Variants in ATP8A2 observed in about 807,000 individuals in gnomAD.
ATP8A2 encodes phospholipid-transporting ATPase IB.
In ATP8A2, 100 loss-of-function variants were observed where a neutral mutation model predicts 165.6. That is an observed-to-expected ratio of 0.60 (90% CI 0.51 to 0.71). The LOEUF (loss-of-function observed/expected upper bound fraction) is 0.71, where lower values mean the gene tolerates loss of function less well. Ranked by LOEUF, ATP8A2 falls within the 30% of genes least tolerant of loss-of-function variation. The pLI is 0.00. For missense variants in ATP8A2, 1,227 were observed against 1,479.5 expected (o/e 0.83, Z 2.80); for synonymous variants, 543 against 548.8 (o/e 0.99, Z 0.15).
intron 1 of ATP8A2, among the ~76,000 whole-genome samples, chr13:25,450,452 G>A (rs1251261746): frequency 1.3e-5 from 2 of 152,162 alleles, no homozygotes; most frequent in African/African-American, 4.8e-5. Context: ...AAGTGTATAA[G>A]TGTTCCTTTT....
chr13:25,906,306 C>A (rs995153968), intron 33 of ATP8A2, among the ~76,000 whole-genome samples: 3 of 141,400 alleles, frequency 2.1e-5, no homozygotes, highest in Non-Finnish European at 3.0e-5. Flanking sequence ...TACTTCCTGT[C>A]TTCAATCTCT....
chr13:25,740,141 CTA>C (rs1197332682), intron 25 of ATP8A2, among the ~76,000 whole-genome samples: 5 of 152,026 alleles, frequency 3.3e-5, no homozygotes, highest in African/African-American at 1.2e-4. Flanking sequence ...AACCCCATCT[CTA>C]TTCCAAATAC....
chr13:25,774,365 C>A (rs1593325891), intron 26 of ATP8A2, among the ~76,000 whole-genome samples: 1 of 152,046 alleles, frequency 6.6e-6, no homozygotes, highest in East Asian at 1.9e-4. Flanking sequence ...ACAATGAGAA[C>A]ACATGGACAC....
chr13:25,584,434 G>T (rs1255235028), intron 23 of ATP8A2, among the ~76,000 whole-genome samples: 1 of 152,150 alleles, frequency 6.6e-6, no homozygotes, highest in Non-Finnish European at 1.5e-5. Context: ...ATCCTGTGTG[G>T]ATTTTAAGGT....
intron 24 of ATP8A2, among the ~76,000 whole-genome samples, chr13:25,696,915 G>A (rs1023751065): frequency 2.0e-5 from 3 of 152,142 alleles, no homozygotes; most frequent in Admixed American, 2.0e-4. Flanking sequence ...TTGACATGGT[G>A]TACCAAAACA....
At chr13:25,642,196 G>C (rs908195841) in intron 24 of ATP8A2, among the ~76,000 whole-genome samples, 5 of 152,148 alleles carry the variant, frequency 3.3e-5, no homozygotes, top group Non-Finnish European at 5.9e-5. Context: ...CATGGGCAAG[G>C]ACTTCATGTC....
At chr13:25,958,423 G>C in intron 33 of ATP8A2, among the ~76,000 whole-genome samples, 1 of 152,280 alleles carries the variant, frequency 6.6e-6, no homozygotes, top group East Asian at 1.9e-4. Context: ...ATCCTGATCC[G>C]CAGGTGCATG....
intron 24 of ATP8A2, among the ~76,000 whole-genome samples, chr13:25,593,371 C>T (rs1187260327): frequency 1.3e-5 from 2 of 152,112 alleles, no homozygotes; most frequent in South Asian, 2.1e-4. Flanking sequence ...TGGCCAGGTT[C>T]GGACTCCAAA....
At chr13:25,808,636 C>T (rs565320485) in intron 27 of ATP8A2, among the ~76,000 whole-genome samples, 2 of 151,380 alleles carry the variant, frequency 1.3e-5, no homozygotes, top group South Asian at 4.2e-4. Flanking sequence ...AGAGTTGTCT[C>T]ACTGTGTCAC....
chr13:25,655,502 C>G (rs1566018816), intron 24 of ATP8A2, among the ~76,000 whole-genome samples: 1 of 152,242 alleles, frequency 6.6e-6, no homozygotes, highest in South Asian at 2.1e-4. Flanking sequence ...ATTATTGTTG[C>G]AGTTGAACTG....
chr13:25,609,564 T>TGCAAA (rs1565976968), intron 24 of ATP8A2, among the ~76,000 whole-genome samples: 1 of 147,216 alleles, frequency 6.8e-6, no homozygotes, highest in Non-Finnish European at 1.5e-5. Flanking sequence ...TATATTTGGA[T>TGCAAA]TCAAATATAT....
chr13:25,612,660 G>A (rs908964719), intron 24 of ATP8A2, among the ~76,000 whole-genome samples: 1 of 152,024 alleles, frequency 6.6e-6, no homozygotes, highest in African/African-American at 2.4e-5. Context: ...CATTTGTTCT[G>A]GGGTATAGTT....
chr13:25,942,725 A>T (rs2139114291), intron 33 of ATP8A2, among the ~76,000 whole-genome samples: 1 of 152,216 alleles, frequency 6.6e-6, no homozygotes, highest in African/African-American at 2.4e-5. Context: ...TGCCCAGCCA[A>T]CTTATCGATT....
intron 33 of ATP8A2, among the ~76,000 whole-genome samples, chr13:25,922,242 T>C (rs1375144896): frequency 6.6e-6 from 1 of 152,206 alleles, no homozygotes; most frequent in African/African-American, 2.4e-5. Context: ...TGTTAAGAGT[T>C]TTTCTTCTAA....
chr13:25,807,980 C>A (rs1004917381), intron 27 of ATP8A2, among the ~76,000 whole-genome samples: 1 of 152,166 alleles, frequency 6.6e-6, no homozygotes, highest in East Asian at 1.9e-4. Context: ...AGTAGCCATG[C>A]ACTTTAGTCT....
At chr13:25,485,447 C>T (rs1412096049) in intron 2 of ATP8A2, among the ~76,000 whole-genome samples, 2 of 152,244 alleles carry the variant, frequency 1.3e-5, no homozygotes, top group Non-Finnish European at 2.9e-5. Context: ...CCTCCTTCCA[C>T]TGCTTTATCT....
At position 25,627,109 on chromosome 13, in the gene ATP8A2, G is replaced by A. The variant is rs1455030084; in HGVS notation, c.2211+37410G>A. Among the ~76,000 whole-genome samples the A allele has an allele frequency of 2.0e-5, 3 of 152,246 alleles. 1 individual carries two copies. Among genetic ancestry groups the A allele is most frequent in the Non-Finnish European group, 1.5e-5 (1 of 68,016 alleles). Reference sequence around the variant, plus strand: ...TAGGGTGGTAAACAGAGTCCTCAGTGAGGAGCTATTTCTGGCCTGAGACTC... The same window carrying A: ...TAGGGTGGTAAACAGAGTCCTCAGTAAGGAGCTATTTCTGGCCTGAGACTC... On this transcript the variant is annotated intron_variant, in intron 24 of 36. Transcript: ENST00000381655.
chr13:25,662,413 C>CTGAT (rs1395209272), intron 24 of ATP8A2, among the ~76,000 whole-genome samples: 1 of 152,184 alleles, frequency 6.6e-6, no homozygotes, highest in Non-Finnish European at 1.5e-5. Flanking sequence ...TAACTTTTGA[C>CTGAT]TGATTCTATA....
intron 33 of ATP8A2, among the ~76,000 whole-genome samples, chr13:25,884,621 T>G (rs1416308032): frequency 5.3e-5 from 8 of 152,184 alleles, no homozygotes; most frequent in African/African-American, 1.9e-4. Flanking sequence ...ATGAGCTTTC[T>G]CCCTCCTGAT....
Sources: allele counts gnomAD v4.1 joint callset (sites outside exome capture counted in the v4.1 genomes callset), GRCh38; gene constraint gnomAD v4.1.1; transcripts MANE v1.5; gene names NCBI Gene and HGNC (gene_info 2026-07-23, HGNC 2026-07-21).